The following MACROD2 variants were observed in gnomAD, a reference collection of about 807,000 sequenced individuals.
MACROD2 encodes mono-ADP ribosylhydrolase 2.
In MACROD2, 36 loss-of-function variants were observed where a neutral mutation model predicts 70.4. That is an observed-to-expected ratio of 0.51 (90% confidence interval 0.39 to 0.68). MACROD2 has a LOEUF of 0.68. Ranked by LOEUF, MACROD2 falls within the 30% of genes least tolerant of loss-of-function variation. The probability of loss-of-function intolerance (pLI) is 0.00; values close to 1 mark genes in which losing one functional copy is unlikely to be tolerated. For missense variants in MACROD2, 496 were observed against 538.4 expected, an observed-to-expected ratio of 0.92 and a Z score of 0.78; for synonymous variants, 172 against 178.8, an observed-to-expected ratio of 0.96 and a Z score of 0.30.
chr20:14,827,517 A>G (rs2072915389), intron 5 of MACROD2, among the ~76,000 whole-genome samples: 1 of 151,992 alleles, frequency 6.6e-6, no homozygotes, highest in Non-Finnish European at 1.5e-5. Context: ...TTTAAGCATT[A>G]CTTTAGTCAC....
chr20:14,082,177 C>CTTTTTTTTT (rs66918191), intron 2 of MACROD2, among the ~76,000 whole-genome samples: 36 of 93,204 alleles, frequency 3.9e-4, no homozygotes, highest in Admixed American at 5.0e-4. Context: ...CTTTTTTTTT[C>CTTTTTTTTT]TTTTTTTTTT....
chr20:15,497,823 C>A (rs972200695), intron 7 of MACROD2, among the ~76,000 whole-genome samples: 2 of 152,156 alleles, frequency 1.3e-5, no homozygotes, highest in Non-Finnish European at 2.9e-5. Flanking sequence ...ACCCCTAATA[C>A]ACTTGTCATG....
chr20:14,143,666 T>G (rs1266532571), intron 3 of MACROD2, among the ~76,000 whole-genome samples: 1 of 152,186 alleles, frequency 6.6e-6, no homozygotes. Context: ...GTTCATACAC[T>G]TTGAAATGTA....
chr20:14,120,944 T>A (rs941574146), intron 3 of MACROD2, among the ~76,000 whole-genome samples: 2 of 150,708 alleles, frequency 1.3e-5, no homozygotes, highest in African/African-American at 4.9e-5. Context: ...AGAGGATGGG[T>A]CAATAGGTGC....
intron 4 of MACROD2, among the ~76,000 whole-genome samples, chr20:14,565,546 G>A (rs1351480430): frequency 1.3e-5 from 2 of 150,652 alleles, no homozygotes; most frequent in Admixed American, 6.6e-5. Flanking sequence ...CATGAATCTC[G>A]GAAAATTCCT....
At chr20:15,720,368 C>A (rs975248596) in intron 8 of MACROD2, among the ~76,000 whole-genome samples, 5 of 152,102 alleles carry the variant, frequency 3.3e-5, no homozygotes, top group Admixed American at 6.5e-5. Context: ...TTTTGAGGAA[C>A]CTCCATACTA....
At chr20:14,163,471 C>T (rs1399453859) in intron 3 of MACROD2, among the ~76,000 whole-genome samples, 1 of 152,122 alleles carries the variant, frequency 6.6e-6, no homozygotes, top group East Asian at 1.9e-4. Flanking sequence ...CTGTGCACCT[C>T]CTGAATCTGG....
At chr20:15,365,270 G>T (rs1317666606) in intron 6 of MACROD2, among the ~76,000 whole-genome samples, 2 of 151,940 alleles carry the variant, frequency 1.3e-5, no homozygotes, top group Non-Finnish European at 2.9e-5. Flanking sequence ...TCTATGTAAA[G>T]ATGGTGTAAT....
Position 15,046,614 on chromosome 20 carries a change from T to C in MACROD2, c.419-183326T>C, listed in dbSNP as rs1028496264. Reference sequence around the variant, plus strand: ...TTATTGTTTTAACCCCACTTCTTACTCTGGCTGTCCGTTCCCAGTCAGTTT... The same window carrying C: ...TTATTGTTTTAACCCCACTTCTTACCCTGGCTGTCCGTTCCCAGTCAGTTT... On this transcript the variant is annotated intron_variant, in intron 5 of 17. Transcript: ENST00000684519. 3.5e-4 allele frequency among the ~76,000 whole-genome samples: 53 copies of C among 152,326 alleles called. 3 individuals carry two copies. Among genetic ancestry groups the C allele is most frequent in the East Asian group, 3.5e-3 (18 of 5,188 alleles).
At chr20:14,180,186 G>A (rs1162761868) in intron 3 of MACROD2, among the ~76,000 whole-genome samples, 1 of 151,982 alleles carries the variant, frequency 6.6e-6, no homozygotes, top group South Asian at 2.1e-4. Flanking sequence ...GTATTACACA[G>A]TAGGTAAGTA....
chr20:15,864,560 A>G (rs1432819496), intron 9 of MACROD2, among the ~76,000 whole-genome samples: 1 of 152,178 alleles, frequency 6.6e-6, no homozygotes, highest in African/African-American at 2.4e-5. Flanking sequence ...ATTGAAACAA[A>G]TATTTCTATC....
intron 3 of MACROD2, among the ~76,000 whole-genome samples, chr20:14,235,350 T>A (rs1228905722): frequency 6.6e-6 from 1 of 152,152 alleles, no homozygotes; most frequent in African/African-American, 2.4e-5. Context: ...CATGCATACA[T>A]ACACACACAT....
At chr20:15,297,598 A>G (rs1168173593) in intron 6 of MACROD2, among the ~76,000 whole-genome samples, 1 of 152,132 alleles carries the variant, frequency 6.6e-6, no homozygotes, top group Non-Finnish European at 1.5e-5. Flanking sequence ...CTCTCTATTC[A>G]TTCTCCATCC....
At chr20:15,678,054 A>T (rs541368341) in intron 8 of MACROD2, among the ~76,000 whole-genome samples, 1 of 142,908 alleles carries the variant, frequency 7.0e-6, no homozygotes, top group East Asian at 2.1e-4. Flanking sequence ...ACAGAACCAG[A>T]CTCCATCTGA....
intron 5 of MACROD2, among the ~76,000 whole-genome samples, chr20:14,985,026 A>G (rs528003877): frequency 6.6e-6 from 1 of 152,312 alleles, no homozygotes; most frequent in South Asian, 2.1e-4. Context: ...TACGTACTTC[A>G]CACGGCCATT....
intron 3 of MACROD2, among the ~76,000 whole-genome samples, chr20:14,099,138 C>T (rs966076175): frequency 8.6e-5 from 13 of 152,010 alleles, no homozygotes; most frequent in South Asian, 2.1e-4. Flanking sequence ...ATTAGCCGGG[C>T]GTGGTGGCAT....
At chr20:15,915,139 G>T (rs1417200923) in intron 10 of MACROD2, among the ~76,000 whole-genome samples, 1 of 152,002 alleles carries the variant, frequency 6.6e-6, no homozygotes, top group African/African-American at 2.4e-5. Flanking sequence ...CCGTGACATT[G>T]GCATGATTGA....
intron 5 of MACROD2, among the ~76,000 whole-genome samples, chr20:14,742,361 T>C (rs1192752135): frequency 2.0e-5 from 3 of 152,114 alleles, no homozygotes; most frequent in Non-Finnish European, 4.4e-5. Context: ...TACAGAAATA[T>C]GGAGTCATGG....
intron 3 of MACROD2, among the ~76,000 whole-genome samples, chr20:14,334,656 G>C (rs1462361442): frequency 1.3e-5 from 2 of 151,330 alleles, no homozygotes; most frequent in Non-Finnish European, 2.9e-5. Flanking sequence ...TGGGGCAAAA[G>C]GTGGGGGGTG....
Sources: gnomAD v4.1 joint callset for allele counts (sites outside exome capture counted in the v4.1 genomes callset) on GRCh38, gnomAD v4.1.1 for gene constraint, MANE v1.5 for transcripts, NCBI Gene and HGNC (gene_info 2026-07-23, HGNC 2026-07-21) for gene names.